SLCO3A1: variants seen among roughly 807,000 people sequenced by gnomAD.
SLCO3A1 encodes the protein solute carrier organic anion transporter family member 3A1.
SLCO3A1 carries 27 observed loss-of-function variants against 63.1 expected under a neutral mutation model. That is an observed-to-expected ratio of 0.43 (90% CI 0.32 to 0.59). SLCO3A1 has a LOEUF of 0.59. Ranked by LOEUF, SLCO3A1 falls within the 20% of genes least tolerant of loss-of-function variation. The pLI is 0.09. For synonymous variants in SLCO3A1, 473 were observed against 409.9 expected, an observed-to-expected ratio of 1.15 and a Z score of -1.86; for missense variants, 773 against 945.8, an observed-to-expected ratio of 0.82 and a Z score of 2.40.
intron 4 of SLCO3A1, among the ~76,000 whole-genome samples, chr15:92,112,631 C>T (rs1720360032): frequency 1.3e-5 from 2 of 152,198 alleles, no homozygotes; most frequent in South Asian, 2.1e-4. Flanking sequence ...TGGGGGCCAA[C>T]AGATCAGAGC....
rs192216504 is a variant in SLCO3A1, at chr15:91,988,399, A to G, written c.646+71941A>G. Among the ~76,000 whole-genome samples, 333 of 152,178 alleles carry G rather than the reference A, an allele frequency of 2.2e-3. 2 individuals are homozygous for G. The highest frequency in any genetic ancestry group is 2.9e-3 in the Non-Finnish European group (194 of 68,006). The stretch of plus-strand genomic sequence containing the variant: ...GCATCATTAATGAAATAACAAGTGA[A>G]CGTAATAAATTAACATTTAAAAATA... On this transcript the variant is annotated intron_variant, in intron 2 of 9. Coordinates refer to ENST00000318445, the MANE Select transcript of SLCO3A1 (RefSeq NM_013272.4).
At chr15:92,169,386 T>TA (rs1363361374), downstream of SLCO3A1, among the ~76,000 whole-genome samples, 2 of 152,172 alleles carry the variant, frequency 1.3e-5, no homozygotes, top group African/African-American at 4.8e-5. Context: ...TCCCCACCTT[T>TA]AGACACTGAT....
In SLCO3A1 at chr15:92,016,247, A is replaced by T. The variant is rs1002674067; in HGVS notation, c.647-78634A>T. Reference sequence around the variant, plus strand: ...TAGATAGATAGATAGATAGATAGATAGATAGATTAGATAGATAGATAGATA... The same window carrying T: ...TAGATAGATAGATAGATAGATAGATTGATAGATTAGATAGATAGATAGATA... On this transcript the variant is annotated intron_variant, in intron 2 of 9. Coordinates refer to ENST00000318445, the MANE Select transcript of SLCO3A1 (RefSeq NM_013272.4). Among the ~76,000 whole-genome samples, 166 of 55,744 alleles carry T rather than the reference A, an allele frequency of 3.0e-3. 1 individual carries two copies. Among genetic ancestry groups the T allele is most frequent in the African/African-American group, 0.018 (152 of 8,268 alleles). The allele number at this position is 55,744 out of a possible 152,430, so 36.6% of individuals were successfully genotyped here.
At chr15:92,104,613 T>G in intron 4 of SLCO3A1, 71 bp downstream of exon 4, 12 of 1,481,140 alleles carry the variant, frequency 8.1e-6, no homozygotes, top group Non-Finnish European at 1.1e-5. Context: ...AATGAAGGGG[T>G]GGCACCCAGG....
intron 9 of SLCO3A1, among the ~76,000 whole-genome samples, chr15:92,158,170 C>T (rs1045101552): frequency 2.6e-5 from 4 of 152,214 alleles, no homozygotes; most frequent in African/African-American, 9.6e-5. Context: ...TATGTATTAG[C>T]AACCCCAGAG....
chr15:92,021,310 T>C (rs890454191), intron 2 of SLCO3A1, among the ~76,000 whole-genome samples: 2 of 152,242 alleles, frequency 1.3e-5, no homozygotes, highest in African/African-American at 4.8e-5. Context: ...TATACATTTC[T>C]CATGTACCTA....
At chr15:91,944,651 C>A (rs1188728228) in intron 2 of SLCO3A1, among the ~76,000 whole-genome samples, 5 of 152,030 alleles carry the variant, frequency 3.3e-5, no homozygotes, top group African/African-American at 1.2e-4. Context: ...ATGGAGGAGT[C>A]AGAGTAATCC....
chr15:91,963,412 G>GGGGT, intron 2 of SLCO3A1, among the ~76,000 whole-genome samples: 1 of 58,276 alleles, frequency 1.7e-5, no homozygotes, highest in East Asian at 7.6e-4. Context: ...GGAGGGTGGG[G>GGGGT]GGGGGGGGCG....
At chr15:92,008,987 G>T (rs1028158568) in intron 2 of SLCO3A1, among the ~76,000 whole-genome samples, 2 of 152,184 alleles carry the variant, frequency 1.3e-5, no homozygotes, top group Non-Finnish European at 2.9e-5. Flanking sequence ...TCATATTGTA[G>T]ATGGAGTCAT....
Position 91,897,893 on chromosome 15 carries a change from C to G in SLCO3A1, c.181-18100C>G, listed in dbSNP as rs1898047475. On this transcript the variant is annotated intron_variant, in intron 1 of 9. Transcript: ENST00000318445. The surrounding 1 kb of genome is among the most constrained non-coding windows in gnomAD (Gnocchi z 4.7). The stretch of plus-strand genomic sequence containing the variant: ...AGGCAGCTGAAACTGCAGGGCAGAG[C>G]CAGGCGAAGTTGAGAACAAGAAGGA... Among the ~76,000 whole-genome samples, 1 of 152,160 alleles carries G rather than the reference C, an allele frequency of 6.6e-6. No individual in the cohort carries two copies.
At chr15:92,090,277 A>G (rs1163214971) in intron 2 of SLCO3A1, among the ~76,000 whole-genome samples, 1 of 152,230 alleles carries the variant, frequency 6.6e-6, no homozygotes, top group African/African-American at 2.4e-5. Context: ...GTAGATTCAC[A>G]TGTCCAAGAG....
chr15:92,012,507 G>A (rs935744218), intron 2 of SLCO3A1, among the ~76,000 whole-genome samples: 2 of 152,142 alleles, frequency 1.3e-5, no homozygotes, highest in African/African-American at 4.8e-5. Context: ...AGGTGGTGTT[G>A]GCCTTGTGGA....
intron 2 of SLCO3A1, among the ~76,000 whole-genome samples, chr15:92,055,012 T>C (rs932773216): frequency 1.3e-5 from 2 of 152,216 alleles, no homozygotes; most frequent in Non-Finnish European, 2.9e-5. Context: ...TTCTAGGTCT[T>C]TGAGGAATCG....
chr15:92,140,849 C>T (rs1478952077), intron 7 of SLCO3A1, among the ~76,000 whole-genome samples: 1 of 152,136 alleles, frequency 6.6e-6, no homozygotes, highest in Non-Finnish European at 1.5e-5. Context: ...TTCCTCCATC[C>T]TTTTATTTTG....
At chr15:92,059,368 C>A (rs1000843599) in intron 2 of SLCO3A1, among the ~76,000 whole-genome samples, 3 of 152,202 alleles carry the variant, frequency 2.0e-5, no homozygotes, top group Admixed American at 6.5e-5. Context: ...CTTCCCAAAG[C>A]CCTTTGCAAC....
At position 92,165,239 on chromosome 15, in the gene SLCO3A1, T is replaced by C. The variant is rs1283291072; in HGVS notation, c.*2104T>C. 3 of 982,262 alleles carry C rather than the reference T, an allele frequency of 3.1e-6. No homozygotes were observed. Among genetic ancestry groups the C allele is most frequent in the Non-Finnish European group, 3.6e-6 (3 of 829,926 alleles). 60.8% of individuals were successfully genotyped at this position (982,262 alleles called of 1,614,324 possible). On this transcript the variant is annotated 3_prime_UTR_variant, in exon 10 of 10. Transcript: ENST00000318445. The stretch of plus-strand genomic sequence containing the variant: ...TGAGACAGGCCTTTCAACTGCTTAG[T>C]GTTAGTATGTCCTTGCTTATGAAAA...
intron 4 of SLCO3A1, among the ~76,000 whole-genome samples, chr15:92,110,239 A>G (rs1383997587): frequency 6.6e-6 from 1 of 151,976 alleles, no homozygotes; most frequent in Non-Finnish European, 1.5e-5. Context: ...TTGCCACCCA[A>G]GTCTCTCTCC....
chr15:92,057,640 G>A (rs1212386019), intron 2 of SLCO3A1, among the ~76,000 whole-genome samples: 2 of 152,170 alleles, frequency 1.3e-5, no homozygotes, highest in Admixed American at 6.5e-5. Flanking sequence ...CAGACCCAGC[G>A]CTTGAGCCTC....
chr15:92,063,466 T>A (rs1260325432), intron 2 of SLCO3A1, among the ~76,000 whole-genome samples: 1 of 152,146 alleles, frequency 6.6e-6, no homozygotes, highest in Non-Finnish European at 1.5e-5. Flanking sequence ...GTCTATAAAA[T>A]GGGAACAGTA....
Sources: gnomAD v4.1 joint callset for allele counts (sites outside exome capture counted in the v4.1 genomes callset) on GRCh38, gnomAD v4.1.1 for gene constraint, Gnocchi (gnomAD v3.1) non-coding constraint, MANE v1.5 for transcripts, NCBI Gene and HGNC (gene_info 2026-07-23, HGNC 2026-07-21) for gene names.